Variants in CLSTN2 observed in about 807,000 individuals in gnomAD.
CLSTN2 encodes the protein calsyntenin-2.
CLSTN2 carries 48 observed loss-of-function variants against 101.2 expected under a neutral mutation model. The observed-to-expected ratio is 0.47, with a 90% CI of 0.38 to 0.60. The LOEUF is 0.60. Among genes scored for constraint, CLSTN2 ranks in the 20% least tolerant of loss-of-function variants. CLSTN2 has a pLI of 0.00. For synonymous variants in CLSTN2, 481 were observed against 463.6 expected (o/e 1.04, Z -0.48); for missense variants, 1,160 against 1,238.2 (o/e 0.94, Z 0.95).
intron 8 of CLSTN2, among the ~76,000 whole-genome samples, chr3:140,513,075 T>A (rs1036308042): frequency 3.3e-5 from 5 of 152,184 alleles, no homozygotes; most frequent in Non-Finnish European, 5.9e-5. Flanking sequence ...ATAACTTGAC[T>A]TCCTTTCTAT....
At chr3:140,563,015 A>G in intron 14 of CLSTN2, 59 bp downstream of exon 14, 1 of 1,611,768 alleles carries the variant, frequency 6.2e-7, no homozygotes, top group Non-Finnish European at 8.5e-7. Context: ...TCATTCATTC[A>G]GAAATGCTGT....
chr3:140,411,444 C>A lies in CLSTN2; in HGVS notation c.637+6678C>A, dbSNP rs747501676. Among the ~76,000 whole-genome samples the A allele has an allele frequency of 2.0e-5, 3 of 152,148 alleles. No homozygotes were observed. The South Asian group carries it at 6.2e-4, about 32-fold the overall frequency. ...ATATATAAAGTAAATATGAACAAAT[C>A]TGAAGGGAGAAATAGACAACAATAC... On this transcript the variant is annotated intron_variant, in intron 4 of 16. Coordinates refer to ENST00000458420, the MANE Select transcript of CLSTN2 (RefSeq NM_022131.3).
At chr3:140,368,791 C>A (rs2087820733) in intron 2 of CLSTN2, among the ~76,000 whole-genome samples, 1 of 152,226 alleles carries the variant, frequency 6.6e-6, no homozygotes, top group Non-Finnish European at 1.5e-5. Context: ...TAGGCAAGGA[C>A]TCTGTGACTT....
chr3:140,536,099 A>G (rs2107781485), intron 9 of CLSTN2, among the ~76,000 whole-genome samples: 2 of 152,274 alleles, frequency 1.3e-5, no homozygotes, highest in South Asian at 4.2e-4. Flanking sequence ...AGGAACAATA[A>G]AAGAGTTTCA....
intron 2 of CLSTN2, among the ~76,000 whole-genome samples, chr3:140,244,829 T>A (rs1269261999): frequency 1.3e-5 from 2 of 152,256 alleles, no homozygotes; most frequent in African/African-American, 2.4e-5. Context: ...CAGTTTATTC[T>A]CTGTAACACT....
chr3:140,004,893 C>T (rs1481902920), intron 1 of CLSTN2, among the ~76,000 whole-genome samples: 1 of 152,154 alleles, frequency 6.6e-6, no homozygotes, highest in Admixed American at 6.5e-5. Context: ...GTAGCTGATA[C>T]TGTTGTGCTG....
chr3:140,167,900 T>C (rs1049721933), intron 1 of CLSTN2, among the ~76,000 whole-genome samples: 3 of 152,228 alleles, frequency 2.0e-5, no homozygotes, highest in Non-Finnish European at 2.9e-5. Flanking sequence ...TGTTCTTTTA[T>C]TGCTGAGTGG....
intron 2 of CLSTN2, among the ~76,000 whole-genome samples, chr3:140,316,608 G>T (rs1327863521): frequency 6.6e-6 from 1 of 152,104 alleles, no homozygotes; most frequent in Non-Finnish European, 1.5e-5. Flanking sequence ...TGGTATGTCA[G>T]TTTCTTAAGG....
At chr3:140,536,313 G>T (rs1386021224) in intron 9 of CLSTN2, among the ~76,000 whole-genome samples, 1 of 151,974 alleles carries the variant, frequency 6.6e-6, no homozygotes, top group African/African-American at 2.4e-5. Context: ...TTGCTTGAAT[G>T]ATTGTGTAAA....
Position 140,562,792 on chromosome 3 carries a change from G to A in CLSTN2, c.2213-19G>A, listed in dbSNP as rs1218465956. On this transcript the variant is annotated intron_variant, in intron 13 of 16. Transcript: ENST00000458420. ...CTCCTTTTCTGCCTTCTGATGACAG[G>A]TGTGGTCTCTTGGCACAGGTGTGGG... 6.2e-7 allele frequency: 1 copy of A among 1,612,930 alleles called. No individual in the cohort carries two copies. Among genetic ancestry groups the A allele is most frequent in the South Asian group, 1.1e-5 (1 of 90,982 alleles).
At chr3:140,494,916 A>G (rs533511402) in intron 8 of CLSTN2, among the ~76,000 whole-genome samples, 145 of 152,340 alleles carry the variant, frequency 9.5e-4, no homozygotes, top group African/African-American at 3.4e-3. Context: ...TAGTGCTGCA[A>G]TGAACATATA....
At chr3:140,435,514 T>C (rs2088676317) in intron 5 of CLSTN2, among the ~76,000 whole-genome samples, 1 of 152,238 alleles carries the variant, frequency 6.6e-6, no homozygotes, top group Non-Finnish European at 1.5e-5. Flanking sequence ...TTGTAGACAG[T>C]GCTGCAACAA....
At chr3:140,052,615 G>C (rs1363117293) in intron 1 of CLSTN2, among the ~76,000 whole-genome samples, 1 of 152,196 alleles carries the variant, frequency 6.6e-6, no homozygotes, top group African/African-American at 2.4e-5. Context: ...GTAACCAGCT[G>C]TGTCTCCCAC....
intron 11 of CLSTN2, among the ~76,000 whole-genome samples, chr3:140,558,397 T>C (rs899442505): frequency 3.3e-5 from 5 of 152,254 alleles, no homozygotes; most frequent in African/African-American, 1.2e-4. Flanking sequence ...GTTTCATGGT[T>C]ACGTGTTGCT....
At chr3:139,946,176 A>G (rs1265859941) in intron 1 of CLSTN2, among the ~76,000 whole-genome samples, 2 of 152,224 alleles carry the variant, frequency 1.3e-5, no homozygotes, top group East Asian at 1.9e-4. Context: ...TTTCCTCTGC[A>G]GCAATACAGT....
At chr3:140,089,076 G>A (rs2350494) in intron 1 of CLSTN2, among the ~76,000 whole-genome samples, 15,361 of 152,146 alleles carry the variant, frequency 0.1, 1,233 homozygotes, top group East Asian at 0.27. Flanking sequence ...GAGTCTTTTG[G>A]TCTCTGTCCC....
chr3:140,278,975 C>T (rs1220944914), intron 2 of CLSTN2, among the ~76,000 whole-genome samples: 3 of 152,192 alleles, frequency 2.0e-5, no homozygotes, highest in African/African-American at 4.8e-5. Flanking sequence ...CTGCCTTAGC[C>T]TCTCCAAACT....
chr3:140,210,473 T>TA lies in CLSTN2; in HGVS notation c.232+34401dup, dbSNP rs1228645552. Among the ~76,000 whole-genome samples, 16 of 152,276 alleles carry TA rather than the reference T, an allele frequency of 1.1e-4. No individual in the cohort carries two copies. The East Asian group carries it at 3.1e-3, about 29-fold the overall frequency. ...CCAATGAGCTATTCAACCCACATGATACACACCCTGCAGGAGAAAGACATT... is the reference window on the plus strand; with the variant it reads ...CCAATGAGCTATTCAACCCACATGATAACACACCCTGCAGGAGAAAGACATT... On this transcript the variant is annotated intron_variant, in intron 2 of 16. Transcript: ENST00000458420.
chr3:140,111,283 G>T (rs984904990), intron 1 of CLSTN2, among the ~76,000 whole-genome samples: 43 of 152,040 alleles, frequency 2.8e-4, no homozygotes, highest in Non-Finnish European at 2.8e-4. Flanking sequence ...TATCTGAATT[G>T]TGTGTCATTG....
Sources: allele counts gnomAD v4.1 joint callset (sites outside exome capture counted in the v4.1 genomes callset), GRCh38; gene constraint gnomAD v4.1.1; transcripts MANE v1.5; gene names NCBI Gene and HGNC (gene_info 2026-07-23, HGNC 2026-07-21).